OAT: variants seen among roughly 807,000 people sequenced by gnomAD.
OAT encodes the protein ornithine aminotransferase.
OAT carries 35 observed loss-of-function variants against 48.4 expected under a neutral mutation model. The observed-to-expected ratio is 0.72, with a 90% CI of 0.55 to 0.96. OAT has a LOEUF of 0.96. Ranked by LOEUF, OAT falls within the 40% of genes least tolerant of loss-of-function variation. The probability of loss-of-function intolerance (pLI) is 0.00; values close to 1 mark genes in which losing one functional copy is unlikely to be tolerated. For missense variants in OAT, 438 were observed against 537.9 expected, an observed-to-expected ratio of 0.81 and a Z score of 1.84; for synonymous variants, 182 against 198.4, an observed-to-expected ratio of 0.92 and a Z score of 0.70.
intron 9 of OAT, among the ~76,000 whole-genome samples, chr10:124,400,447 A>T (rs1450118513): frequency 9.0e-6 from 1 of 110,982 alleles, no homozygotes; most frequent in East Asian, 2.4e-4. Flanking sequence ...ACTCCATCTT[A>T]AAAAAAAAAA....
chr10:124,408,253 A>G (rs1437229722), intron 4 of OAT, among the ~76,000 whole-genome samples: 1 of 138,198 alleles, frequency 7.2e-6, no homozygotes, highest in Admixed American at 7.0e-5. Flanking sequence ...ATTTACACAT[A>G]TATATATGTT....
intron 2 of OAT, among the ~76,000 whole-genome samples, chr10:124,410,994 G>T (rs1219075468): frequency 6.6e-6 from 1 of 151,790 alleles, no homozygotes; most frequent in Non-Finnish European, 1.5e-5. Flanking sequence ...ACAAAAATTA[G>T]CTGGACGTGG....
At chr10:124,406,934 T>C (rs1454475126) in intron 4 of OAT, 1 of 984,200 alleles carries the variant, frequency 1.0e-6, no homozygotes, top group Non-Finnish European at 1.2e-6. Flanking sequence ...AGCTAGATAA[T>C]TTCAGAGAGG....
At chr10:124,413,640 G>A (rs1279325366) in intron 1 of OAT, among the ~76,000 whole-genome samples, 2 of 152,110 alleles carry the variant, frequency 1.3e-5, no homozygotes, top group Non-Finnish European at 2.9e-5. Flanking sequence ...CCAAGACTGC[G>A]CATTGCACTC....
chr10:124,399,477 C>G (rs1007532218), intron 9 of OAT, among the ~76,000 whole-genome samples: 2 of 151,284 alleles, frequency 1.3e-5, no homozygotes, highest in Non-Finnish European at 2.9e-5. Flanking sequence ...TCCTGAGTAG[C>G]TGGGACTACA....
intron 5 of OAT, among the ~76,000 whole-genome samples, chr10:124,404,897 A>G (rs1589704277): frequency 6.6e-6 from 1 of 152,208 alleles, no homozygotes; most frequent in East Asian, 1.9e-4. Flanking sequence ...TAGAAAAGTT[A>G]GTTGGGTGTG....
intron 2 of OAT, 47 bp downstream of exon 2, chr10:124,411,926 T>C: frequency 1.3e-6 from 2 of 1,574,684 alleles, no homozygotes; most frequent in South Asian, 2.2e-5. Context: ...TTTTTTTTTA[T>C]AAAAGGTTTC....
chr10:124,418,800 T>G (rs1000745655), intron 1 of OAT, 73 bp downstream of exon 1: 1 of 136,652 alleles, frequency 7.3e-6, no homozygotes. Context: ...CCCGCCCGCC[T>G]CCCCCGCCGC....
chr10:124,408,337 ATATATATTTT>A lies in OAT; in HGVS notation c.520+195_520+204del, dbSNP rs147696111. 6.5e-3 allele frequency among the ~76,000 whole-genome samples: 672 copies of A among 103,424 alleles called. 4 individuals carry two copies. Among genetic ancestry groups the A allele is most frequent in the East Asian group, 0.049 (141 of 2,864 alleles). The allele number at this position is 103,424 out of a possible 152,430, so 67.9% of individuals were successfully genotyped here. On this transcript the variant is annotated intron_variant, in intron 4 of 9. Coordinates refer to ENST00000368845, the MANE Select transcript of OAT (RefSeq NM_000274.4). ...TGTGTGTATATATATATATATATAT[ATATATATTTT>A]TTTTTTTTTTTTTTAAATAGAGACA... is the stretch of plus-strand genomic sequence containing the variant.
chr10:124,409,429 C>T (rs760239696), intron 2 of OAT, among the ~76,000 whole-genome samples: 4 of 151,924 alleles, frequency 2.6e-5, no homozygotes, highest in Non-Finnish European at 5.9e-5. Flanking sequence ...GTAGTGCGCG[C>T]GTATGGTCCC....
In OAT at chr10:124,397,652, T is replaced by C. The variant is rs192119442; in HGVS notation, c.*290A>G. On this transcript the variant is annotated 3_prime_UTR_variant, in exon 10 of 10. Transcript: ENST00000368845. ...ACATATATCAATTATACTGAAGGAC[T>C]TGATTTAGAGGCTGTCTGTATATAG... The C allele has an allele frequency of 3.0e-6, 1 of 337,838 alleles. No individual in the cohort carries two copies. Among genetic ancestry groups the C allele is most frequent in the South Asian group, 3.5e-5 (1 of 28,698 alleles). 20.9% of individuals were successfully genotyped at this position (337,838 alleles called of 1,614,324 possible).
At chr10:124,405,998 G>A in intron 4 of OAT, 1 of 1,068,272 alleles carries the variant, frequency 9.4e-7, no homozygotes, top group Non-Finnish European at 1.1e-6. Flanking sequence ...CTCCAATACT[G>A]CAGGCTAACA....
At position 124,408,758 on chromosome 10, in the gene OAT, A is replaced by C; in HGVS notation, c.407T>G (p.Val136Gly). ...TGTTTTACCTGTATTCATAGGAAGA[A>C]CTTTGTGGTAGTTGAAAAGTTTAGT... ...YITKLFNYHK[V>G]LPMNTGVEAG... Residue 136 changes from valine to glycine, a missense_variant, in exon 3 of 10, where the codon GTT (valine) becomes GGT (glycine). Transcript: ENST00000368845. 6.2e-7 allele frequency: 1 copy of C among 1,608,412 alleles called. No homozygotes were observed. The highest frequency in any genetic ancestry group is 1.1e-5 in the South Asian group (1 of 90,952).
intron 9 of OAT, among the ~76,000 whole-genome samples, chr10:124,398,659 C>CAAA (rs33917094): frequency 1.7e-4 from 22 of 132,194 alleles, no homozygotes; most frequent in African/African-American, 6.0e-4. Context: ...AAGACCAAGC[C>CAAA]AAAAAAAAAA....
intron 2 of OAT, among the ~76,000 whole-genome samples, chr10:124,410,399 G>A (rs932629722): frequency 2.0e-5 from 3 of 152,202 alleles, no homozygotes; most frequent in Admixed American, 6.5e-5. Flanking sequence ...GCAACTCATC[G>A]GAGGTTTTTC....
chr10:124,417,223 G>GT (rs1951945039), intron 1 of OAT, among the ~76,000 whole-genome samples: 1 of 131,848 alleles, frequency 7.6e-6, no homozygotes, highest in African/African-American at 2.5e-5. Context: ...TTTTTCTTTG[G>GT]GGGGGGGATG....
chr10:124,407,336 C>A lies in OAT; in HGVS notation c.520+1206G>T, dbSNP rs1056630790. 1.8e-5 allele frequency: 18 copies of A among 984,600 alleles called. No homozygotes were observed. The African/African-American group carries it at 3.1e-4, about 17-fold the overall frequency. The allele number at this position is 984,600 out of a possible 1,614,324, so 61.0% of individuals were successfully genotyped here. On this transcript the variant is annotated intron_variant, in intron 4 of 9. Coordinates refer to ENST00000368845, the MANE Select transcript of OAT (RefSeq NM_000274.4). ...ACAGTCTTCCTCTGTCTCTCCACCC[C>A]ACTGACTCACCAGCTTCTTTCAATA...
intron 7 of OAT, 43 bp downstream of exon 7, chr10:124,402,884 T>C: frequency 6.2e-7 from 1 of 1,610,474 alleles, no homozygotes; most frequent in Non-Finnish European, 8.5e-7. Context: ...GGGGTATATT[T>C]TACAAGAGTA....
At chr10:124,406,695 A>G (rs1208222011) in intron 4 of OAT, among the ~76,000 whole-genome samples, 1 of 151,598 alleles carries the variant, frequency 6.6e-6, no homozygotes, top group East Asian at 1.9e-4. Context: ...GGGCGCCTGT[A>G]ATCCCAGCTA....
Sources: gnomAD v4.1 joint callset for allele counts (sites outside exome capture counted in the v4.1 genomes callset) on GRCh38, gnomAD v4.1.1 for gene constraint, MANE v1.5 for transcripts, NCBI Gene and HGNC (gene_info 2026-07-23, HGNC 2026-07-21) for gene names.